XKR9: variants seen among roughly 807,000 people sequenced by gnomAD.
The protein encoded by XKR9 is XK related 9.
In XKR9, 32 loss-of-function variants were observed where a neutral mutation model predicts 32.0. The ratio of observed to expected loss-of-function variants is 1.00; its 90% CI spans 0.76 to 1.34. The LOEUF (loss-of-function observed/expected upper bound fraction) is 1.34. Ranked by LOEUF, XKR9 falls within the 40% of genes most tolerant of loss-of-function variation. The pLI is 0.00. For missense variants in XKR9, 546 were observed against 429.7 expected, an observed-to-expected ratio of 1.27 and a Z score of -2.39; for synonymous variants, 168 against 143.4, an observed-to-expected ratio of 1.17 and a Z score of -1.22.
chr8:70,754,308 A>T (rs554331674), intron 2 of XKR9, among the ~76,000 whole-genome samples: 1 of 145,452 alleles, frequency 6.9e-6, no homozygotes, highest in South Asian at 2.2e-4. Flanking sequence ...ATGGATAGGA[A>T]GAATCAATAT....
At chr8:70,743,827 C>T (rs1364205495) in intron 2 of XKR9, among the ~76,000 whole-genome samples, 1 of 152,030 alleles carries the variant, frequency 6.6e-6, no homozygotes, top group Admixed American at 6.5e-5. Flanking sequence ...AGTTGGTATG[C>T]TGAGTGGGGT....
chr8:70,805,015 T>A, the XKR9 span, among the ~76,000 whole-genome samples: 1 of 152,146 alleles, frequency 6.6e-6, no homozygotes, highest in Non-Finnish European at 1.5e-5. Context: ...GAAACAGTGG[T>A]GATCAGAGGC....
At chr8:70,908,692 T>C in the XKR9 span, among the ~76,000 whole-genome samples, 5 of 152,224 alleles carry the variant, frequency 3.3e-5, no homozygotes, top group Non-Finnish European at 7.4e-5. Context: ...GTGTTCCAAT[T>C]AAACTTTATT....
the XKR9 span, among the ~76,000 whole-genome samples, chr8:70,986,688 C>T: frequency 2.0e-5 from 3 of 152,212 alleles, no homozygotes; most frequent in Non-Finnish European, 4.4e-5. Context: ...TGGGCTTCAT[C>T]TGTTCTGGAT....
the XKR9 span, among the ~76,000 whole-genome samples, chr8:70,859,836 A>ATG: frequency 6.6e-6 from 1 of 152,082 alleles, no homozygotes; most frequent in Non-Finnish European, 1.5e-5. Flanking sequence ...GCTAGGAAGG[A>ATG]TGTGTGTGTT....
chr8:70,880,726 C>G, the XKR9 span, among the ~76,000 whole-genome samples: 4 of 152,260 alleles, frequency 2.6e-5, no homozygotes, highest in South Asian at 4.1e-4. Flanking sequence ...AATGCCATCC[C>G]CATCAAGCTA....
At chr8:70,674,170 T>TA (rs1469878423) in intron 1 of XKR9, among the ~76,000 whole-genome samples, 2 of 151,612 alleles carry the variant, frequency 1.3e-5, no homozygotes, top group African/African-American at 4.9e-5. Context: ...CCTTGTCTCT[T>TA]AAAAAAAAGC....
At chr8:70,723,207 A>G (rs1272198548) in intron 4 of XKR9, among the ~76,000 whole-genome samples, 2 of 152,136 alleles carry the variant, frequency 1.3e-5, no homozygotes, top group Admixed American at 6.5e-5. Flanking sequence ...GTAATCTGTT[A>G]TCAAGGTTCT....
intron 4 of XKR9, among the ~76,000 whole-genome samples, chr8:70,721,160 T>A (rs1478614197): frequency 6.6e-6 from 1 of 152,198 alleles, no homozygotes; most frequent in East Asian, 1.9e-4. Context: ...CCTTTATCAT[T>A]TTTTATTGTG....
the XKR9 span, among the ~76,000 whole-genome samples, chr8:70,969,910 A>G: frequency 1.3e-5 from 2 of 152,046 alleles, no homozygotes; most frequent in South Asian, 4.2e-4. Context: ...ACCCCCAACC[A>G]TTCACCCGAG....
At chr8:70,786,134 A>T (rs1426637511) in intron 2 of XKR9, among the ~76,000 whole-genome samples, 1 of 152,134 alleles carries the variant, frequency 6.6e-6, no homozygotes, top group African/African-American at 2.4e-5. Flanking sequence ...GTGGTTGGAA[A>T]AACTACTTGA....
Position 70,671,336 on chromosome 8 carries a change from T to TATGGCCAAATAGTA in XKR9, c.-361+1798_-361+1799insATGGCCAAATAGTA, listed in dbSNP as rs1474102672. On this transcript the variant is annotated intron_variant, in intron 1 of 4. Coordinates refer to ENST00000408926, the MANE Select transcript of XKR9 (RefSeq NM_001011720.2). ...TGAAAATGACATGATCTCATTTTTT[T>TATGGCCAAATAGTA]TTTTTTTTTATTATACTCTAAGTTT... is the stretch of plus-strand genomic sequence containing the variant. 4.2e-3 allele frequency among the ~76,000 whole-genome samples: 503 copies of TATGGCCAAATAGTA among 120,054 alleles called. 27 individuals carry two copies. The highest frequency in any genetic ancestry group is 5.0e-3 in the Non-Finnish European group (241 of 48,390). The allele number at this position is 120,054 out of a possible 152,430, so 78.8% of individuals were successfully genotyped here. A position where few individuals can be genotyped will look rare whatever the true frequency, so the allele number is the denominator to read the frequency against.
At chr8:70,963,157 C>T in the XKR9 span, among the ~76,000 whole-genome samples, 1 of 151,972 alleles carries the variant, frequency 6.6e-6, no homozygotes, top group Non-Finnish European at 1.5e-5. Flanking sequence ...GTGTTGCTCC[C>T]ACCTCATGTG....
the XKR9 span, among the ~76,000 whole-genome samples, chr8:70,805,407 C>G: frequency 1.3e-5 from 2 of 152,186 alleles, no homozygotes; most frequent in African/African-American, 2.4e-5. Flanking sequence ...GAGGGGTGAC[C>G]AGCACCACAG....
At chr8:70,983,376 T>C in the XKR9 span, among the ~76,000 whole-genome samples, 1 of 152,192 alleles carries the variant, frequency 6.6e-6, no homozygotes, top group African/African-American at 2.4e-5. Flanking sequence ...ACGCAGCCTG[T>C]TACCATAATT....
chr8:70,692,825 C>T (rs903779022), intron 3 of XKR9, among the ~76,000 whole-genome samples: 1 of 152,138 alleles, frequency 6.6e-6, no homozygotes, highest in African/African-American at 2.4e-5. Flanking sequence ...GGTGATCTGC[C>T]CGCCATAGCC....
chr8:70,802,854 C>T, the XKR9 span, among the ~76,000 whole-genome samples: 1 of 152,202 alleles, frequency 6.6e-6, no homozygotes, highest in Non-Finnish European at 1.5e-5. Flanking sequence ...TTGTAGGCAG[C>T]CTGCCCCTTC....
At chr8:70,733,128 G>A (rs921901856) in intron 4 of XKR9, among the ~76,000 whole-genome samples, 3 of 151,776 alleles carry the variant, frequency 2.0e-5, no homozygotes, top group Non-Finnish European at 2.9e-5. Flanking sequence ...AAGAAATAAA[G>A]AGAGTGGTAA....
chr8:70,985,959 A>T, the XKR9 span, among the ~76,000 whole-genome samples: 21 of 152,200 alleles, frequency 1.4e-4, no homozygotes, highest in African/African-American at 5.1e-4. Context: ...GAAGTCTAGT[A>T]GACTGGAAAT....
Sources: gnomAD v4.1 joint callset for allele counts (sites outside exome capture counted in the v4.1 genomes callset) on GRCh38, gnomAD v4.1.1 for gene constraint, MANE v1.5 for transcripts, NCBI Gene and HGNC (gene_info 2026-07-23, HGNC 2026-07-21) for gene names.